The following NOS2 variants were observed in gnomAD, a reference collection of about 807,000 sequenced individuals.
NOS2 encodes nitric oxide synthase 2.
A neutral mutation model predicts 136.0 loss-of-function variants in NOS2; 96 were observed. The observed-to-expected ratio is 0.71, with a 90% CI of 0.60 to 0.84. The LOEUF (loss-of-function observed/expected upper bound fraction) is 0.84, where lower values mean the gene tolerates loss of function less well. Among genes scored for constraint, NOS2 ranks in the 40% least tolerant of loss-of-function variants. The probability of loss-of-function intolerance (pLI) is 0.00; values close to 1 mark genes in which losing one functional copy is unlikely to be tolerated. For synonymous variants in NOS2, 539 were observed against 587.5 expected, an observed-to-expected ratio of 0.92 and a Z score of 1.20; for missense variants, 1,237 against 1,496.9, an observed-to-expected ratio of 0.83 and a Z score of 2.87.
At chr17:27,762,019 A>T (rs1423385732) in intron 22 of NOS2, among the ~76,000 whole-genome samples, 1 of 152,134 alleles carries the variant, frequency 6.6e-6, no homozygotes, top group Non-Finnish European at 1.5e-5. Flanking sequence ...AAGTGTGGGC[A>T]GCTCCCAGCT....
chr17:27,762,699 C>T, intron 22 of NOS2, 99 bp downstream of exon 22: 1 of 864,956 alleles, frequency 1.2e-6, no homozygotes, highest in Non-Finnish European at 1.8e-6. Context: ...GGTGTTCCCT[C>T]CCTCCTTGAA....
intron 20 of NOS2, among the ~76,000 whole-genome samples, chr17:27,764,635 C>A (rs78404801): frequency 6.6e-6 from 1 of 152,220 alleles, no homozygotes; most frequent in African/African-American, 2.4e-5. Context: ...CCAGAAGACA[C>A]GGGTTCAAAC....
intron 18 of NOS2, 122 bp from the exon 19 acceptor site, chr17:27,766,710 C>G (rs1346905150): frequency 1.3e-6 from 1 of 748,820 alleles, no homozygotes; most frequent in Non-Finnish European, 2.4e-6. Context: ...GCTGAGGTGG[C>G]CGTTGGGTTT....
At chr17:27,774,947 T>C (rs1908614959) in intron 11 of NOS2, among the ~76,000 whole-genome samples, 1 of 152,186 alleles carries the variant, frequency 6.6e-6, no homozygotes, top group Non-Finnish European at 1.5e-5. Flanking sequence ...CTGTAGTGTA[T>C]GGGAGACGAA....
chr17:27,769,253 C>A (rs1381739831), intron 16 of NOS2, 102 bp from the exon 17 acceptor site: 2 of 1,202,230 alleles, frequency 1.7e-6, no homozygotes, highest in African/African-American at 1.5e-5. Flanking sequence ...GACTCTCCCC[C>A]TCCAGCTGGA....
Position 27,778,952 on chromosome 17 carries a change from T to C in NOS2, c.1109A>G (p.Asn370Ser). 8 of 1,612,990 alleles carry C rather than the reference T, an allele frequency of 5.0e-6. No individual in the cohort carries two copies. Among genetic ancestry groups the C allele is most frequent in the South Asian group, 1.1e-5 (1 of 91,020 alleles). Residue 370 changes from asparagine (N) to serine (S), a missense_variant, in exon 10 of 27, where the codon AAT becomes AGT. By Grantham distance (46) the Asn-to-Ser change is conservative. Transcript: ENST00000313735. ...GATCTCTGTGCCCATGTACCAGCCA[T>C]TGAAGGGGCACCCTGGGAACTCCAG... Reference protein sequence around the residue: ...GGLEFPGCPFNGWYMGTEIGV... With the variant: ...GGLEFPGCPFSGWYMGTEIGV...
At chr17:27,795,173 T>C (rs1909317582) in intron 2 of NOS2, among the ~76,000 whole-genome samples, 1 of 152,230 alleles carries the variant, frequency 6.6e-6, no homozygotes, top group African/African-American at 2.4e-5. Flanking sequence ...AAGACATCCG[T>C]TTCCCCGTTT....
intron 16 of NOS2, 24 bp downstream of exon 16, chr17:27,769,511 G>A (rs771591942): frequency 3.1e-6 from 5 of 1,606,972 alleles, no homozygotes; most frequent in Non-Finnish European, 4.3e-6. Context: ...AGGGCTAGGA[G>A]TAGGACAACG....
chr17:27,797,044 G>A (rs1402948947), intron 2 of NOS2, among the ~76,000 whole-genome samples: 1 of 152,122 alleles, frequency 6.6e-6, no homozygotes, highest in Non-Finnish European at 1.5e-5. Flanking sequence ...AAGCCCTTGT[G>A]CTCTGGCCTG....
rs752057349 is a variant in NOS2, at chr17:27,783,025, TC to T, written c.548del (p.Gly183GlufsTer162). 6.2e-7 allele frequency: 1 copy of T among 1,614,204 alleles called. No individual in the cohort carries two copies. The highest frequency in any genetic ancestry group is 8.5e-7 in the Non-Finnish European group (1 of 1,180,032). ...IETTGTYQLT[G>X]DELIFATKQA... ...GCTTGGTGGCGAAGATGAGCTCATC[TC>T]CCGTCAGTTGGTAGGTTCCTGTTGT... is the stretch of plus-strand genomic sequence containing the variant. On this transcript the variant is annotated frameshift_variant, in exon 6 of 27. Coordinates refer to ENST00000313735, the MANE Select transcript of NOS2 (RefSeq NM_000625.4). LOFTEE classifies it high-confidence loss of function.
intron 11 of NOS2, among the ~76,000 whole-genome samples, chr17:27,775,319 C>T (rs745713719): frequency 5.9e-5 from 9 of 151,972 alleles, no homozygotes; most frequent in Non-Finnish European, 1.0e-4. Context: ...ATTAGTAGGC[C>T]AGCTGTCGGG....
chr17:27,770,781 T>G (rs1340773167), intron 15 of NOS2, 132 bp downstream of exon 15: 1 of 601,414 alleles, frequency 1.7e-6, no homozygotes, highest in Non-Finnish European at 3.0e-6. Context: ...GCAAATGACC[T>G]GAGTGACCCG....
intron 24 of NOS2, 134 bp downstream of exon 24, chr17:27,760,489 G>T: frequency 1.7e-6 from 2 of 1,203,798 alleles, no homozygotes; most frequent in Non-Finnish European, 1.2e-6. Context: ...ACCCGCAGAG[G>T]CCCGCACAGG....
chr17:27,781,948 T>C, intron 7 of NOS2, 67 bp downstream of exon 7: 1 of 1,376,974 alleles, frequency 7.3e-7, no homozygotes, highest in Admixed American at 1.7e-5. Context: ...ACCCAAGTGC[T>C]GCATCTTTTG....
At chr17:27,781,412 C>T (rs1205002834) in intron 7 of NOS2, among the ~76,000 whole-genome samples, 6 of 152,232 alleles carry the variant, frequency 3.9e-5, no homozygotes, top group Non-Finnish European at 8.8e-5. Flanking sequence ...GCCAGTCTTT[C>T]CCTCACTGCC....
intron 19 of NOS2, among the ~76,000 whole-genome samples, chr17:27,766,246 T>C (rs915620401): frequency 1.4e-4 from 21 of 152,170 alleles, no homozygotes; most frequent in Admixed American, 1.2e-3. Context: ...CTCCTTTTAG[T>C]GAAAGAGTTC....
At chr17:27,763,050 C>A in intron 21 of NOS2, 45 bp from the exon 22 acceptor site, 1 of 1,335,962 alleles carries the variant, frequency 7.5e-7, no homozygotes. Context: ...GCCTGTCCCG[C>A]TTTGGGGAAA....
intron 12 of NOS2, among the ~76,000 whole-genome samples, chr17:27,773,721 T>C (rs1207457347): frequency 3.3e-5 from 5 of 152,204 alleles, no homozygotes; most frequent in Admixed American, 1.3e-4. Context: ...CAAGTCCTTT[T>C]TGGCACAAAA....
chr17:27,768,068 G>A (rs1908366465), intron 17 of NOS2, among the ~76,000 whole-genome samples: 1 of 152,094 alleles, frequency 6.6e-6, no homozygotes, highest in Non-Finnish European at 1.5e-5. Flanking sequence ...TTTTTGTTTT[G>A]AGACAGGGTC....
Sources: allele counts gnomAD v4.1 joint callset (sites outside exome capture counted in the v4.1 genomes callset), GRCh38; gene constraint gnomAD v4.1.1; transcripts MANE v1.5; gene names NCBI Gene and HGNC (gene_info 2026-07-23, HGNC 2026-07-21).